ERC2: variants seen among roughly 807,000 people sequenced by gnomAD.
ERC2 encodes the protein ELKS/RAB6-interacting/CAST family member 2, also known as ERC protein 2.
Under a neutral mutation model 114.8 loss-of-function variants are expected in ERC2, and 42 were observed. The ratio of observed to expected loss-of-function variants is 0.37; its 90% confidence interval spans 0.29 to 0.47. The LOEUF (loss-of-function observed/expected upper bound fraction) is 0.47. Ranked by LOEUF, ERC2 falls within the 20% of genes least tolerant of loss-of-function variation. The probability of loss-of-function intolerance (pLI) is 0.99; values close to 1 mark genes in which losing one functional copy is unlikely to be tolerated. For synonymous variants in ERC2, 454 were observed against 425.5 expected, an observed-to-expected ratio of 1.07 and a Z score of -0.82; for missense variants, 939 against 1,150.7, an observed-to-expected ratio of 0.82 and a Z score of 2.66.
intron 17 of ERC2, among the ~76,000 whole-genome samples, chr3:55,605,367 A>G (rs2058598851): frequency 6.6e-6 from 1 of 152,240 alleles, no homozygotes; most frequent in African/African-American, 2.4e-5. Flanking sequence ...AGTCACTGGG[A>G]TTACAGACAT....
At chr3:56,442,042 C>A (rs1389853166) in intron 1 of ERC2, among the ~76,000 whole-genome samples, 1 of 152,010 alleles carries the variant, frequency 6.6e-6, no homozygotes, top group East Asian at 1.9e-4. Context: ...TTTAAAAAAT[C>A]AAAATGAAAC....
intron 2 of ERC2, among the ~76,000 whole-genome samples, chr3:56,319,087 A>C (rs957451590): frequency 9.9e-5 from 15 of 152,188 alleles, no homozygotes; most frequent in African/African-American, 3.6e-4. Context: ...GAAGTTTCCA[A>C]AACTAAATTA....
intron 14 of ERC2, among the ~76,000 whole-genome samples, chr3:55,776,483 G>C (rs1232180864): frequency 6.6e-6 from 1 of 152,210 alleles, no homozygotes; most frequent in African/African-American, 2.4e-5. Context: ...GACTAAGAAG[G>C]AGCAGGTCCA....
At chr3:56,134,352 G>C (rs760277210) in intron 6 of ERC2, among the ~76,000 whole-genome samples, 2 of 152,126 alleles carry the variant, frequency 1.3e-5, no homozygotes, top group Non-Finnish European at 2.9e-5. Flanking sequence ...ATATATCCAC[G>C]TGTCTAAAAG....
chr3:56,193,453 G>C (rs761324597), intron 3 of ERC2, among the ~76,000 whole-genome samples: 2 of 151,618 alleles, frequency 1.3e-5, no homozygotes, highest in Admixed American at 6.6e-5. Flanking sequence ...GTTGCAGTGA[G>C]CCAAGATCAT....
chr3:56,381,050 A>T (rs1018423695), intron 2 of ERC2, among the ~76,000 whole-genome samples: 1 of 152,194 alleles, frequency 6.6e-6, no homozygotes, highest in African/African-American at 2.4e-5. Context: ...AGAAAAGCTT[A>T]AGCACAACTG....
At position 56,006,411 on chromosome 3, in the gene ERC2, A is replaced by T. The variant is rs2072496734; in HGVS notation, c.2061+770T>A. Reference sequence around the variant, plus strand: ...TTATATGCTTTGATTGATTGTTTAGATTCTTATCATCTCTTTTGAATAAGT... The same window carrying T: ...TTATATGCTTTGATTGATTGTTTAGTTTCTTATCATCTCTTTTGAATAAGT... On this transcript the variant is annotated intron_variant, in intron 10 of 17. Coordinates refer to ENST00000288221, the MANE Select transcript of ERC2 (RefSeq NM_015576.3). 2.6e-5 allele frequency among the ~76,000 whole-genome samples: 4 copies of T among 151,966 alleles called. No homozygotes were observed. In the South Asian group the frequency reaches 8.3e-4, roughly 31 times the overall value.
At chr3:55,565,127 G>C (rs1279129768) in intron 17 of ERC2, among the ~76,000 whole-genome samples, 1 of 152,116 alleles carries the variant, frequency 6.6e-6, no homozygotes, top group Non-Finnish European at 1.5e-5. Flanking sequence ...CCATCACCCA[G>C]ACATGGACTG....
chr3:55,846,186 C>T (rs1011225907), intron 14 of ERC2, among the ~76,000 whole-genome samples: 1 of 152,148 alleles, frequency 6.6e-6, no homozygotes, highest in African/African-American at 2.4e-5. Flanking sequence ...TCTGTTGTTT[C>T]CTTCTTTGTA....
chr3:55,782,564 A>C (rs1191963467), intron 14 of ERC2, among the ~76,000 whole-genome samples: 2 of 152,218 alleles, frequency 1.3e-5, no homozygotes, highest in Non-Finnish European at 2.9e-5. Flanking sequence ...ACAAATACAG[A>C]GTCCCTCCTA....
chr3:55,946,943 G>A (rs2067161234), intron 13 of ERC2, among the ~76,000 whole-genome samples: 1 of 152,146 alleles, frequency 6.6e-6, no homozygotes, highest in Non-Finnish European at 1.5e-5. Context: ...CGGCTAACTA[G>A]GGTGTATTCT....
chr3:56,318,760 CA>C (rs1327493653), intron 2 of ERC2, among the ~76,000 whole-genome samples: 1 of 151,326 alleles, frequency 6.6e-6, no homozygotes. Flanking sequence ...GATATCATTT[CA>C]CGTCTATTAG....
chr3:56,066,764 T>C (rs921227499), intron 7 of ERC2, among the ~76,000 whole-genome samples: 1 of 152,246 alleles, frequency 6.6e-6, no homozygotes, highest in Non-Finnish European at 1.5e-5. Context: ...TTCAGTTTTC[T>C]GCATATGGCC....
At chr3:56,278,206 A>C (rs2054129463) in intron 3 of ERC2, among the ~76,000 whole-genome samples, 1 of 152,222 alleles carries the variant, frequency 6.6e-6, no homozygotes, top group Non-Finnish European at 1.5e-5. Flanking sequence ...CAGAGTTCAG[A>C]CTGGTGGGAT....
intron 2 of ERC2, among the ~76,000 whole-genome samples, chr3:56,388,524 C>T (rs908701719): frequency 6.6e-6 from 1 of 152,098 alleles, no homozygotes; most frequent in African/African-American, 2.4e-5. Flanking sequence ...ATAAATTACC[C>T]AGTCTCAGGT....
intron 17 of ERC2, among the ~76,000 whole-genome samples, chr3:55,560,634 C>T (rs998297728): frequency 4.6e-5 from 7 of 152,152 alleles, no homozygotes; most frequent in African/African-American, 1.2e-4. Context: ...GACCACACTC[C>T]GTGTCCACAT....
rs113136012 is a variant in ERC2 at position 55,972,102 on chromosome 3, C to T, written c.2267+13875G>A. ...TCCATCCTTCCATCCATCCATCCAC[C>T]TAGTCATCCAACAAAATATTTCTGA... On this transcript the variant is annotated intron_variant, in intron 12 of 17. Coordinates refer to ENST00000288221, the MANE Select transcript of ERC2 (RefSeq NM_015576.3). Among the ~76,000 whole-genome samples, 1,149 of 152,228 alleles carry T rather than the reference C, an allele frequency of 7.5e-3. 11 individuals carry two copies. The highest frequency in any genetic ancestry group is 0.027 in the African/African-American group (1,102 of 41,530).
At chr3:55,866,005 G>C (rs563746269) in intron 14 of ERC2, among the ~76,000 whole-genome samples, 88 of 152,194 alleles carry the variant, frequency 5.8e-4, no homozygotes, top group African/African-American at 2.1e-3. Context: ...TGGTAACTTT[G>C]TTTAACATTT....
intron 2 of ERC2, among the ~76,000 whole-genome samples, chr3:56,397,689 G>C (rs1221374153): frequency 6.6e-6 from 1 of 152,192 alleles, no homozygotes; most frequent in Non-Finnish European, 1.5e-5. Context: ...AGGTCCAGCT[G>C]TACTCAAGAT....
Sources: allele counts gnomAD v4.1 joint callset (sites outside exome capture counted in the v4.1 genomes callset), GRCh38; gene constraint gnomAD v4.1.1; transcripts MANE v1.5; gene names NCBI Gene and HGNC (gene_info 2026-07-23, HGNC 2026-07-21).